CSNK1G1: variants seen among roughly 807,000 people sequenced by gnomAD.
CSNK1G1 encodes the protein casein kinase I isoform gamma-1.
In CSNK1G1, 22 loss-of-function variants were observed where a neutral mutation model predicts 59.6. That is an observed-to-expected ratio of 0.37 (90% CI 0.26 to 0.53). The LOEUF is 0.53. Ranked by LOEUF, CSNK1G1 falls within the 20% of genes least tolerant of loss-of-function variation. The pLI, the probability that CSNK1G1 is intolerant of heterozygous loss-of-function variation, is 0.89. For missense variants in CSNK1G1, 384 were observed against 519.5 expected, an observed-to-expected ratio of 0.74 and a Z score of 2.54; for synonymous variants, 179 against 177.1, an observed-to-expected ratio of 1.01 and a Z score of -0.08.
At chr15:64,240,106 T>C (rs1195330258) in intron 4 of CSNK1G1, among the ~76,000 whole-genome samples, 2 of 152,154 alleles carry the variant, frequency 1.3e-5, no homozygotes, top group Admixed American at 6.5e-5. Flanking sequence ...TAGTGGTGTA[T>C]GCCTGTAATC....
chr15:64,266,751 T>C (rs1300925218), intron 2 of CSNK1G1, among the ~76,000 whole-genome samples: 1 of 152,146 alleles, frequency 6.6e-6, no homozygotes, highest in African/African-American at 2.4e-5. Context: ...ATGCCAAGAA[T>C]ATACACTGGG....
chr15:64,219,517 G>A (rs1263533680), intron 4 of CSNK1G1, among the ~76,000 whole-genome samples: 1 of 152,044 alleles, frequency 6.6e-6, no homozygotes, highest in African/African-American at 2.4e-5. Context: ...GGAGGGCAGT[G>A]GTATGACCAT....
chr15:64,191,408 G>C lies in CSNK1G1; in HGVS notation c.1108-10954C>G, dbSNP rs150329845. Among the ~76,000 whole-genome samples, 714 of 152,184 alleles carry C rather than the reference G, an allele frequency of 4.7e-3. 6 individuals are homozygous for C. Among genetic ancestry groups the C allele is most frequent in the African/African-American group, 0.017 (689 of 41,506 alleles). ...AAATAGAAAATGGCTGGAAATGTAT[G>C]TTCATGTATACTCATGGGCTTTTAA... On this transcript the variant is annotated intron_variant, in intron 10 of 11. Coordinates refer to ENST00000303052, the MANE Select transcript of CSNK1G1 (RefSeq NM_022048.5).
chr15:64,272,775 T>C (rs1270946944), intron 2 of CSNK1G1, among the ~76,000 whole-genome samples: 2 of 152,150 alleles, frequency 1.3e-5, no homozygotes, highest in Non-Finnish European at 2.9e-5. Flanking sequence ...GAATGGGGTC[T>C]TGCTCTGTCG....
At chr15:64,211,295 A>C (rs1238695687) in intron 6 of CSNK1G1, among the ~76,000 whole-genome samples, 2 of 152,254 alleles carry the variant, frequency 1.3e-5, no homozygotes, top group Non-Finnish European at 2.9e-5. Flanking sequence ...CAACACAAAA[A>C]AATGCAACAC....
chr15:64,263,252 G>T (rs992212087), intron 2 of CSNK1G1, among the ~76,000 whole-genome samples: 1 of 151,582 alleles, frequency 6.6e-6, no homozygotes, highest in Middle Eastern at 3.4e-3. Flanking sequence ...GCAGTGGCAT[G>T]ATCTCAGCTC....
At chr15:64,324,530 C>G (rs149654778) in intron 1 of CSNK1G1, among the ~76,000 whole-genome samples, 1 of 152,234 alleles carries the variant, frequency 6.6e-6, no homozygotes, top group African/African-American at 2.4e-5. Context: ...TGGACTTACA[C>G]CAGTGGTTTG....
rs1037055636 is a variant in CSNK1G1 at position 64,167,678 on chromosome 15, G to C, written c.*4253C>G. The stretch of plus-strand genomic sequence containing the variant: ...ACCTTAATATGGTTCTGACACTGGA[G>C]ACAATGTTGTTAGGGCAACTCAATG... On this transcript the variant is annotated 3_prime_UTR_variant, in exon 12 of 12. Transcript: ENST00000303052. The C allele has an allele frequency of 6.5e-6, 1 of 152,686 alleles. No individual in the cohort carries two copies. Among genetic ancestry groups the C allele is most frequent in the Non-Finnish European group, 1.5e-5 (1 of 68,052 alleles). The allele number at this position is 152,686 out of a possible 1,614,324, so 9.5% of individuals were successfully genotyped here. A position where few individuals can be genotyped will look rare whatever the true frequency, so the allele number is the denominator to read the frequency against.
intron 1 of CSNK1G1, among the ~76,000 whole-genome samples, chr15:64,323,047 T>C (rs1009470541): frequency 2.0e-5 from 3 of 151,358 alleles, no homozygotes; most frequent in Admixed American, 6.6e-5. Flanking sequence ...CTCAGCCCCC[T>C]GAGTACCTAG....
intron 1 of CSNK1G1, among the ~76,000 whole-genome samples, chr15:64,335,153 C>T (rs1897321951): frequency 6.6e-6 from 1 of 152,156 alleles, no homozygotes; most frequent in South Asian, 2.1e-4. Flanking sequence ...CTAATACATG[C>T]TTTTAGGAAA....
At chr15:64,278,432 ATTTT>A (rs774402095) in intron 2 of CSNK1G1, among the ~76,000 whole-genome samples, 6 of 127,960 alleles carry the variant, frequency 4.7e-5, no homozygotes, top group African/African-American at 1.7e-4. Context: ...ATATATATAT[ATTTT>A]TTTTTTTTTG....
At chr15:64,325,086 A>G (rs1344422621) in intron 1 of CSNK1G1, among the ~76,000 whole-genome samples, 1 of 152,214 alleles carries the variant, frequency 6.6e-6, no homozygotes, top group Non-Finnish European at 1.5e-5. Context: ...AGGATTTAAT[A>G]AAGAATTCTT....
chr15:64,290,697 C>CA (rs1250216880), intron 2 of CSNK1G1, among the ~76,000 whole-genome samples: 1 of 152,026 alleles, frequency 6.6e-6, no homozygotes, highest in East Asian at 1.9e-4. Flanking sequence ...CACATAACAA[C>CA]AAAAAAATTA....
chr15:64,230,071 G>A (rs28691690), intron 4 of CSNK1G1, among the ~76,000 whole-genome samples: 2 of 150,984 alleles, frequency 1.3e-5, no homozygotes, highest in Admixed American at 6.6e-5. Flanking sequence ...ACAAGCATGC[G>A]CCACCGTGCC....
At chr15:64,172,054 C>T (rs1335835194) in intron 11 of CSNK1G1, 69 bp from the exon 12 acceptor site, 1 of 1,420,032 alleles carries the variant, frequency 7.0e-7, no homozygotes, top group Non-Finnish European at 9.9e-7. Context: ...CTGCCTGCTT[C>T]TGCTTACTGC....
rs1238383232 is a variant in CSNK1G1, at chr15:64,225,008, T to TTC, written c.293-8296_293-8295insGA. Among the ~76,000 whole-genome samples the TTC allele has an allele frequency of 4.9e-5, 7 of 141,768 alleles. 1 individual carries two copies. Among genetic ancestry groups the TTC allele is most frequent in the African/African-American group, 1.7e-4 (6 of 36,318 alleles). 93.0% of individuals were successfully genotyped at this position (141,768 alleles called of 152,430 possible). On this transcript the variant is annotated intron_variant, in intron 4 of 11. Transcript: ENST00000303052. ...GATAGAATCCAAAATACACTTTTCTTTTTTTTTTTTTTTTTTTGGAGACAG... is the reference window on the plus strand; with the variant it reads ...GATAGAATCCAAAATACACTTTTCTTTCTTTTTTTTTTTTTTTTTGGAGACAG...
intron 1 of CSNK1G1, among the ~76,000 whole-genome samples, chr15:64,315,953 C>T (rs1284077754): frequency 2.0e-5 from 3 of 152,144 alleles, no homozygotes; most frequent in Admixed American, 6.6e-5. Context: ...TTTTTAAAAA[C>T]AGCTTTATTA....
At chr15:64,251,323 C>G (rs1412982727) in intron 4 of CSNK1G1, 189 bp downstream of exon 4, 1 of 515,714 alleles carries the variant, frequency 1.9e-6, no homozygotes, top group African/African-American at 1.9e-5. Context: ...ACACAGTTCC[C>G]CTGTCAACTC....
At position 64,204,891 on chromosome 15, in the gene CSNK1G1, A is replaced by G. The variant is rs756567320; in HGVS notation, c.824T>C (p.Ile275Thr). ...KIGDTKRNTPIEALCENFPEE... is the reference protein window; with the variant it reads ...KIGDTKRNTPTEALCENFPEE... ...TGGAAAGTTCTCACAGAGAGCTTCA[A>G]TGGGAGTATTCCTTTTGGTGTCACC... is the stretch of plus-strand genomic sequence containing the variant. The change falls in exon 8 of 12, where the codon ATT (isoleucine) becomes ACT (threonine). Residue 275 changes from isoleucine (I) to threonine (T), a missense_variant. Physicochemically the swap from Ile to Thr is moderately conservative, Grantham distance 89. Transcript: ENST00000303052. 12 of 1,611,288 alleles carry G rather than the reference A, an allele frequency of 7.4e-6. No individual in the cohort carries two copies. The highest frequency in any genetic ancestry group is 1.3e-5 in the African/African-American group (1 of 74,840).
Sources: gnomAD v4.1 joint callset for allele counts (sites outside exome capture counted in the v4.1 genomes callset) on GRCh38, gnomAD v4.1.1 for gene constraint, MANE v1.5 for transcripts, NCBI Gene and HGNC (gene_info 2026-07-23, HGNC 2026-07-21) for gene names.